AMOTL1: variants seen among roughly 807,000 people sequenced by gnomAD.
AMOTL1 encodes angiomotin-like protein 1.
In AMOTL1, 45 loss-of-function variants were observed where a neutral mutation model predicts 102.9. That is an observed-to-expected ratio of 0.44 (90% CI 0.34 to 0.56). AMOTL1 has a LOEUF of 0.56. AMOTL1 is among the 20% of genes least tolerant of loss of function. AMOTL1 has a pLI of 0.01. For missense variants in AMOTL1, 1,114 were observed against 1,225.6 expected (o/e 0.91, Z 1.36); for synonymous variants, 481 against 484.7 (o/e 0.99, Z 0.10).
intron 8 of AMOTL1, among the ~76,000 whole-genome samples, chr11:94,855,983 C>T (rs1304349142): frequency 6.6e-6 from 1 of 152,198 alleles, no homozygotes. Context: ...GTATGGCTGA[C>T]ATGAGACCGA....
At chr11:94,760,116 T>G (rs773153346) in intron 3 of AMOTL1, among the ~76,000 whole-genome samples, 1 of 152,268 alleles carries the variant, frequency 6.6e-6, no homozygotes, top group Non-Finnish European at 1.5e-5. Context: ...CTGAAGATTC[T>G]GAGTCTTCTC....
chr11:94,716,644 TG>T (rs1423327436), intron 1 of AMOTL1, among the ~76,000 whole-genome samples: 13 of 152,102 alleles, frequency 8.5e-5, no homozygotes, highest in Non-Finnish European at 1.6e-4. Context: ...AGGTGCCTCG[TG>T]GGCTGTTTGA....
At chr11:94,861,639 A>T (rs1952775893) in intron 9 of AMOTL1, among the ~76,000 whole-genome samples, 2 of 152,186 alleles carry the variant, frequency 1.3e-5, no homozygotes, top group South Asian at 4.1e-4. Context: ...TCACATGTGA[A>T]ATATAAATGA....
At position 94,821,591 on chromosome 11, in the gene AMOTL1, A is replaced by G. The variant is rs751679211; in HGVS notation, c.1183A>G (p.Thr395Ala). 3 of 1,612,676 alleles carry G rather than the reference A, an allele frequency of 1.9e-6. No homozygotes were observed. The East Asian group carries it at 6.7e-5, about 36-fold the overall frequency. The change falls in exon 4 of 13, where the codon ACC (threonine) becomes GCC (alanine). Residue 395 changes from threonine (T) to alanine (A), a missense_variant. By Grantham distance (58) the Thr-to-Ala change is moderately conservative. Coordinates refer to ENST00000433060, the MANE Select transcript of AMOTL1 (RefSeq NM_130847.3). ...MQQHSPMSSQ[T>A]SSASGPLHSV... ...GCAGCACAGCCCCATGTCCTCCCAGACCTCTTCCGCCAGCGGGCCACTGCA... is the reference window on the plus strand; with the variant it reads ...GCAGCACAGCCCCATGTCCTCCCAGGCCTCTTCCGCCAGCGGGCCACTGCA...
Position 94,768,389 on chromosome 11 carries a change from TG to T in AMOTL1, c.-122del, listed in dbSNP as rs1950885497. 2 of 1,498,832 alleles carry T rather than the reference TG, an allele frequency of 1.3e-6. No individual in the cohort carries two copies. The highest frequency in any genetic ancestry group is 8.9e-7 in the Non-Finnish European group (1 of 1,123,260). The allele number at this position is 1,498,832 out of a possible 1,614,324, so 92.8% of individuals were successfully genotyped here. A position where few individuals can be genotyped will look rare whatever the true frequency, so the allele number is the denominator to read the frequency against. ...AGAAGCTCTAGGACCCAGCAGCGGT[TG>T]TCGGGTTTGGGGCTGGAGGTGAAGC... On this transcript the variant is annotated 5_prime_UTR_variant, in exon 1 of 13. Transcript: ENST00000433060.
chr11:94,739,271 G>A (rs1950483952), intron 2 of AMOTL1, among the ~76,000 whole-genome samples: 2 of 152,178 alleles, frequency 1.3e-5, no homozygotes, highest in Admixed American at 6.5e-5. Context: ...TCTAGGAGTT[G>A]GGAGGGGATG....
chr11:94,869,081 AT>A, intron 11 of AMOTL1, 116 bp from the exon 12 acceptor site: 1 of 1,198,968 alleles, frequency 8.3e-7, no homozygotes, highest in Non-Finnish European at 1.1e-6. Flanking sequence ...TGCTTGGGGA[AT>A]GAATCAATGA....
At chr11:94,800,367 A>G in intron 3 of AMOTL1, 56 bp downstream of exon 3, 1 of 1,478,088 alleles carries the variant, frequency 6.8e-7, no homozygotes, top group Non-Finnish European at 9.1e-7. Context: ...TAGTCATGTT[A>G]TTAGCATTTA....
At chr11:94,774,014 C>T (rs1385674103) in intron 1 of AMOTL1, among the ~76,000 whole-genome samples, 2 of 152,194 alleles carry the variant, frequency 1.3e-5, no homozygotes, top group Non-Finnish European at 2.9e-5. Flanking sequence ...AATAGTTCTT[C>T]CCTCATGGAG....
chr11:94,736,825 G>A, intron 2 of AMOTL1, among the ~76,000 whole-genome samples: 1 of 152,316 alleles, frequency 6.6e-6, no homozygotes, highest in East Asian at 1.9e-4. Flanking sequence ...ACATTGCCCT[G>A]AGATTCAATA....
chr11:94,784,143 T>A lies in AMOTL1; in HGVS notation c.50-10868T>A, dbSNP rs1476937299. On this transcript the variant is annotated intron_variant, in intron 1 of 12. Coordinates refer to ENST00000433060, the MANE Select transcript of AMOTL1 (RefSeq NM_130847.3). ...TTTCTTTCTGTGTCTTTCTTCCCTA[T>A]AACTAGATAGCTGCTTGTATTACTG... Among the ~76,000 whole-genome samples, 5 of 152,304 alleles carry A rather than the reference T, an allele frequency of 3.3e-5. No homozygotes were observed. In the East Asian group the frequency reaches 9.6e-4, roughly 29 times the overall value.
At chr11:94,729,205 G>C (rs976999302) in intron 2 of AMOTL1, 10 of 456,010 alleles carry the variant, frequency 2.2e-5, no homozygotes, top group African/African-American at 2.1e-4. Context: ...TTTGAAGTCA[G>C]ACAGACCTGG....
chr11:94,718,677 T>C (rs1950131812), intron 1 of AMOTL1, among the ~76,000 whole-genome samples: 1 of 151,996 alleles, frequency 6.6e-6, no homozygotes, highest in Non-Finnish European at 1.5e-5. Context: ...TGAATATCTT[T>C]TTATACTTTT....
At chr11:94,818,782 T>C (rs971667109) in intron 3 of AMOTL1, among the ~76,000 whole-genome samples, 2 of 152,234 alleles carry the variant, frequency 1.3e-5, no homozygotes, top group African/African-American at 4.8e-5. Context: ...TTTCCTGTCC[T>C]ATTTTCCCTC....
chr11:94,771,902 T>C (rs950582807), intron 1 of AMOTL1, among the ~76,000 whole-genome samples: 22 of 152,216 alleles, frequency 1.4e-4, no homozygotes, highest in Non-Finnish European at 5.9e-5. Context: ...GAATTAGATT[T>C]AAGTTTTCAA....
chr11:94,810,496 C>CAAAAA (rs5793699), intron 3 of AMOTL1, among the ~76,000 whole-genome samples: 11 of 133,500 alleles, frequency 8.2e-5, no homozygotes, highest in East Asian at 4.2e-4. Flanking sequence ...TATTTTAGTC[C>CAAAAA]AAAAAAAAAA....
chr11:94,840,677 T>TATATATATATATATATATAC lies in AMOTL1; in HGVS notation c.1648+9141_1648+9142insTATATATATATATACATATA, dbSNP rs1952280355. ...ACGTATATATATATATATATATATA[T>TATATATATATATATATATAC]ATATACACACACACACACACACACA... On this transcript the variant is annotated intron_variant, in intron 6 of 12. Transcript: ENST00000433060. 3.9e-5 allele frequency among the ~76,000 whole-genome samples: 5 copies of TATATATATATATATATATAC among 128,018 alleles called. 1 individual carries two copies. The South Asian group carries it at 1.3e-3, about 33-fold the overall frequency. The allele number at this position is 128,018 out of a possible 152,430, so 84.0% of individuals were successfully genotyped here. A position where few individuals can be genotyped will look rare whatever the true frequency, so the allele number is the denominator to read the frequency against.
At chr11:94,719,657 T>C (rs1160595260) in intron 1 of AMOTL1, among the ~76,000 whole-genome samples, 2 of 152,006 alleles carry the variant, frequency 1.3e-5, no homozygotes, top group Non-Finnish European at 2.9e-5. Context: ...AAAACTGCAA[T>C]AGTTACCTCT....
chr11:94,821,842 A>G (rs1951873635), intron 4 of AMOTL1, 21 bp downstream of exon 4: 1 of 1,607,890 alleles, frequency 6.2e-7, no homozygotes, highest in South Asian at 1.1e-5. Context: ...TCCCTGGGGA[A>G]TGGGAGGGAG....
Sources: gnomAD v4.1 joint callset for allele counts (sites outside exome capture counted in the v4.1 genomes callset) on GRCh38, gnomAD v4.1.1 for gene constraint, MANE v1.5 for transcripts, NCBI Gene and HGNC (gene_info 2026-07-23, HGNC 2026-07-21) for gene names.